Variants in NR3C2 observed in about 807,000 individuals in gnomAD.
NR3C2 encodes mineralocorticoid receptor.
A neutral mutation model predicts 86.4 loss-of-function variants in NR3C2; 15 were observed. The observed-to-expected ratio is 0.17, with a 90% CI of 0.12 to 0.27. The LOEUF is 0.27. Among genes scored for constraint, NR3C2 ranks in the 10% least tolerant of loss-of-function variants. The probability of loss-of-function intolerance (pLI) is 1.00; values close to 1 mark genes in which losing one functional copy is unlikely to be tolerated. For missense variants in NR3C2, 960 were observed against 1,195.6 expected (o/e 0.80, Z 2.91); for synonymous variants, 458 against 450.5 (o/e 1.02, Z -0.21).
At chr4:148,370,926 G>A (rs1213517212) in intron 2 of NR3C2, among the ~76,000 whole-genome samples, 4 of 152,048 alleles carry the variant, frequency 2.6e-5, no homozygotes, top group African/African-American at 9.7e-5. Flanking sequence ...CTATTCAGAG[G>A]AGCAATCATG....
At chr4:148,130,822 T>TTTTTTTTTTTTTTTTTTTTG (rs1733004390) in intron 6 of NR3C2, among the ~76,000 whole-genome samples, 1 of 73,464 alleles carries the variant, frequency 1.4e-5, no homozygotes, top group African/African-American at 4.5e-5. Flanking sequence ...TTGTTTTGTT[T>TTTTTTTTTTTTTTTTTTTTG]TTTTTTTTTT....
chr4:148,230,795 C>G (rs969344030), intron 3 of NR3C2, among the ~76,000 whole-genome samples: 1 of 152,128 alleles, frequency 6.6e-6, no homozygotes, highest in Non-Finnish European at 1.5e-5. Flanking sequence ...ACACACAAAA[C>G]AGGAGAATGT....
At chr4:148,244,661 T>C (rs899769116) in intron 3 of NR3C2, among the ~76,000 whole-genome samples, 2 of 152,232 alleles carry the variant, frequency 1.3e-5, no homozygotes, top group Non-Finnish European at 2.9e-5. Flanking sequence ...ATCTGGTTAC[T>C]AAAGACCTGG....
chr4:148,232,694 T>C (rs923510278), intron 3 of NR3C2, among the ~76,000 whole-genome samples: 9 of 152,330 alleles, frequency 5.9e-5, no homozygotes, highest in African/African-American at 2.2e-4. Flanking sequence ...ATCAAAGTCA[T>C]AGGTGGCATC....
intron 2 of NR3C2, among the ~76,000 whole-genome samples, chr4:148,394,713 G>A (rs1023678400): frequency 1.3e-5 from 2 of 152,030 alleles, no homozygotes; most frequent in African/African-American, 4.8e-5. Flanking sequence ...AAAACATGTA[G>A]CATCAGTTTT....
chr4:148,194,747 T>A lies in NR3C2; in HGVS notation c.2013A>T (p.Gly671=). 1.3e-6 allele frequency: 2 copies of A among 1,598,114 alleles called. No individual in the cohort carries two copies. Among genetic ancestry groups the A allele is most frequent in the Non-Finnish European group, 1.7e-6 (2 of 1,169,274 alleles). The change falls in exon 4 of 9, where the codon GGA becomes GGT. Residue 671 remains glycine, a splice_region_variant and synonymous_variant. Coordinates refer to ENST00000358102, the MANE Select transcript of NR3C2 (RefSeq NM_000901.5). ...QKCLQAGMNL[G]ARKSKKLGKL... ...TTAAACTAAAAATACAAAACTTACC[T>A]CCTAAATTCATTCCAGCTTGAAGAC...
At chr4:148,443,798 G>T (rs1023582024), upstream of NR3C2, among the ~76,000 whole-genome samples, 1 of 152,126 alleles carries the variant, frequency 6.6e-6, no homozygotes, top group East Asian at 1.9e-4. Flanking sequence ...GGGACCGGGG[G>T]ACACCCTGTG....
rs1003766828 is a variant in NR3C2, at chr4:148,201,970, A to G, written c.1898-7108T>C. Among the ~76,000 whole-genome samples, 8 of 152,296 alleles carry G rather than the reference A, an allele frequency of 5.3e-5. No homozygotes were observed. In the South Asian group the frequency reaches 1.7e-3, roughly 32 times the overall value. ...AAGAACCAGGTTCTGGAAGCCCCCA[A>G]ACCACAGCAGACACCTACAAATACT... On this transcript the variant is annotated intron_variant, in intron 3 of 8. Coordinates refer to ENST00000358102, the MANE Select transcript of NR3C2 (RefSeq NM_000901.5).
chr4:148,389,921 A>T (rs1747455521), intron 2 of NR3C2, among the ~76,000 whole-genome samples: 1 of 152,174 alleles, frequency 6.6e-6, no homozygotes, highest in Non-Finnish European at 1.5e-5. Context: ...TCTGACTGTA[A>T]CACTATGCCT....
chr4:148,333,077 G>A (rs1744307530), intron 2 of NR3C2, among the ~76,000 whole-genome samples: 1 of 151,638 alleles, frequency 6.6e-6, no homozygotes, highest in African/African-American at 2.4e-5. Flanking sequence ...ACCAGCCTGG[G>A]CAACAAGGAA....
intron 8 of NR3C2, among the ~76,000 whole-genome samples, chr4:148,090,947 G>A (rs1578870671): frequency 6.6e-6 from 1 of 152,256 alleles, no homozygotes; most frequent in East Asian, 1.9e-4. Flanking sequence ...GCAGCCGGGG[G>A]CTGGGCATTT....
At chr4:148,120,488 C>T (rs915002899) in intron 6 of NR3C2, among the ~76,000 whole-genome samples, 200 bp from the exon 7 acceptor site, 26 of 152,326 alleles carry the variant, frequency 1.7e-4, no homozygotes, top group Middle Eastern at 6.8e-3. Flanking sequence ...ACTGCTGGGC[C>T]GTTTACTTGT....
chr4:148,161,536 G>A (rs868800576), intron 4 of NR3C2, among the ~76,000 whole-genome samples: 1 of 151,978 alleles, frequency 6.6e-6, no homozygotes, highest in African/African-American at 2.4e-5. Context: ...AATATTTTTA[G>A]TAGAGGCGGG....
chr4:148,364,578 TC>T (rs1425513382), intron 2 of NR3C2, among the ~76,000 whole-genome samples: 1 of 152,206 alleles, frequency 6.6e-6, no homozygotes, highest in Admixed American at 6.5e-5. Context: ...ATGTGTTAGG[TC>T]CTTACAAAGG....
chr4:148,154,761 C>G lies in NR3C2; in HGVS notation c.2155G>C (p.Val719Leu). 1 of 1,596,000 alleles carries G rather than the reference C, an allele frequency of 6.3e-7. No individual in the cohort carries two copies. Among genetic ancestry groups the G allele is most frequent in the Non-Finnish European group, 8.5e-7 (1 of 1,172,298 alleles). Residue 719 changes from valine (V) to leucine (L), a missense_variant, in exon 5 of 9, where the codon GTC (valine) becomes CTC (leucine). Around this residue, in one of 4 missense-constraint regions of NR3C2, gnomAD observed 82 missense variants for 73.0 expected, o/e 1.12. Transcript: ENST00000358102. ...AGCTGAGGAACCAGTGCTGTGTTGA[C>G]CGAGGGTTCTTTTGCAGGAGCGATG... ...TYIAPAKEPS[V>L]NTALVPQLST...
intron 2 of NR3C2, among the ~76,000 whole-genome samples, chr4:148,388,396 G>A (rs559520209): frequency 8.5e-5 from 13 of 152,256 alleles, no homozygotes; most frequent in Non-Finnish European, 1.6e-4. Flanking sequence ...TCACATTGGC[G>A]CTCAAAAAGT....
chr4:148,394,692 A>G (rs1480265063), intron 2 of NR3C2, among the ~76,000 whole-genome samples: 2 of 152,286 alleles, frequency 1.3e-5, no homozygotes, highest in African/African-American at 4.8e-5. Flanking sequence ...ACCCTCAAAA[A>G]ATAAAAATTA....
upstream of NR3C2, chr4:148,444,007 C>T (rs1750478765): frequency 1.0e-6 from 1 of 985,138 alleles, no homozygotes; most frequent in African/African-American, 1.7e-5. Context: ...CCCCCGGCGT[C>T]CCCGCAGCCA....
chr4:148,312,770 T>C (rs1742966097), intron 2 of NR3C2, among the ~76,000 whole-genome samples: 1 of 152,186 alleles, frequency 6.6e-6, no homozygotes, highest in Non-Finnish European at 1.5e-5. Flanking sequence ...AAGCAAATAA[T>C]CAGACTTTCT....
Sources: allele counts gnomAD v4.1 joint callset (sites outside exome capture counted in the v4.1 genomes callset), GRCh38; gene constraint gnomAD v4.1.1; regional missense constraint gnomAD v4.1.1; transcripts MANE v1.5; gene names NCBI Gene and HGNC (gene_info 2026-07-23, HGNC 2026-07-21).